The following FBXL7 variants were observed in gnomAD, a reference collection of about 807,000 sequenced individuals.
The protein encoded by FBXL7 is F-box/LRR-repeat protein 7.
A neutral mutation model predicts 38.3 loss-of-function variants in FBXL7; 12 were observed. The ratio of observed to expected loss-of-function variants is 0.31; its 90% CI spans 0.20 to 0.51. The LOEUF (loss-of-function observed/expected upper bound fraction) is 0.51. FBXL7 is among the 20% of genes least tolerant of loss of function. FBXL7 has a pLI of 0.98. For synonymous variants in FBXL7, 297 were observed against 300.9 expected (o/e 0.99, Z 0.13); for missense variants, 567 against 676.4 (o/e 0.84, Z 1.79).
At chr5:15,572,375 T>C (rs1738816553) in intron 1 of FBXL7, among the ~76,000 whole-genome samples, 1 of 142,092 alleles carries the variant, frequency 7.0e-6, no homozygotes, top group Non-Finnish European at 1.5e-5. Flanking sequence ...GAAACATCCA[T>C]CTGGTTTCTG....
At chr5:15,546,927 C>G (rs534795154) in intron 1 of FBXL7, among the ~76,000 whole-genome samples, 1 of 152,170 alleles carries the variant, frequency 6.6e-6, no homozygotes, top group Non-Finnish European at 1.5e-5. Flanking sequence ...AATCACAAAA[C>G]AAATTGAAAG....
intron 2 of FBXL7, among the ~76,000 whole-genome samples, chr5:15,834,175 C>T (rs1738528150): frequency 1.3e-5 from 2 of 152,168 alleles, no homozygotes; most frequent in Non-Finnish European, 2.9e-5. Flanking sequence ...CATGTCATTT[C>T]AATATCATAT....
Position 15,923,534 on chromosome 5 carries a change from A to T in FBXL7, c.128-4356A>T, listed in dbSNP as rs545842554. 2.9e-3 allele frequency among the ~76,000 whole-genome samples: 443 copies of T among 152,282 alleles called. 1 individual carries two copies. The highest frequency in any genetic ancestry group is 0.01 in the African/African-American group (424 of 41,550). ...TAAATACATATATATGTATATTTTT[A>T]AATTTGGAAATACATTTAATGTATT... On this transcript the variant is annotated intron_variant, in intron 2 of 3. Coordinates refer to ENST00000504595, the MANE Select transcript of FBXL7 (RefSeq NM_012304.5).
chr5:15,858,143 A>G (rs894983988), intron 2 of FBXL7, among the ~76,000 whole-genome samples: 2 of 151,652 alleles, frequency 1.3e-5, no homozygotes, highest in African/African-American at 4.8e-5. Context: ...ATTATTGCAA[A>G]TTTTATCCTT....
At chr5:15,580,978 A>C (rs1413544605) in intron 1 of FBXL7, among the ~76,000 whole-genome samples, 1 of 152,132 alleles carries the variant, frequency 6.6e-6, no homozygotes, top group Non-Finnish European at 1.5e-5. Flanking sequence ...TTACGCCAAC[A>C]CCAGTCATGG....
At chr5:15,501,984 T>G (rs904701646) in intron 1 of FBXL7, among the ~76,000 whole-genome samples, 1 of 151,718 alleles carries the variant, frequency 6.6e-6, no homozygotes, top group Non-Finnish European at 1.5e-5. Flanking sequence ...CCTTTTTAGA[T>G]AGCAAATGTG....
At chr5:15,884,083 C>CA (rs760795210) in intron 2 of FBXL7, among the ~76,000 whole-genome samples, 9 of 152,122 alleles carry the variant, frequency 5.9e-5, no homozygotes, top group Non-Finnish European at 1.3e-4. Flanking sequence ...AGTCCAAGAT[C>CA]AAAGTACCAG....
intron 2 of FBXL7, among the ~76,000 whole-genome samples, chr5:15,924,503 A>G (rs1197971815): frequency 6.6e-6 from 1 of 152,096 alleles, no homozygotes. Context: ...GTTTAAAAAC[A>G]TTGTTTATGC....
intron 2 of FBXL7, among the ~76,000 whole-genome samples, chr5:15,628,973 G>T (rs781379857): frequency 8.6e-5 from 13 of 151,948 alleles, no homozygotes; most frequent in Non-Finnish European, 1.6e-4. Flanking sequence ...AGAGCATCTG[G>T]GTTCTTTTAG....
chr5:15,880,817 A>G (rs369837365), intron 2 of FBXL7, among the ~76,000 whole-genome samples: 3 of 150,206 alleles, frequency 2.0e-5, no homozygotes, highest in East Asian at 1.9e-4. Flanking sequence ...ATAGCAAAAA[A>G]CTAATATATT....
chr5:15,853,229 T>C (rs543738190), intron 2 of FBXL7, among the ~76,000 whole-genome samples: 36 of 152,216 alleles, frequency 2.4e-4, no homozygotes, highest in African/African-American at 8.7e-4. Context: ...CTGAGTGCCA[T>C]AGAGCATGGA....
rs71603796 is a variant in FBXL7, at chr5:15,707,174, G to GTTTTTTTTTTTT, written c.127+91114_127+91125dup. Among the ~76,000 whole-genome samples, 15 of 70,404 alleles carry GTTTTTTTTTTTT rather than the reference G, an allele frequency of 2.1e-4. 1 individual carries two copies. Among genetic ancestry groups the GTTTTTTTTTTTT allele is most frequent in the East Asian group, 4.9e-4 (1 of 2,058 alleles). The allele number at this position is 70,404 out of a possible 152,430, so 46.2% of individuals were successfully genotyped here. On this transcript the variant is annotated intron_variant, in intron 2 of 3. Coordinates refer to ENST00000504595, the MANE Select transcript of FBXL7 (RefSeq NM_012304.5). Reference sequence around the variant, plus strand: ...AGGTAGTGTTTCTTTTTTTCTTTTCGTTTTTTTTTTTTTTTTTTTTTTTGC... The same window carrying GTTTTTTTTTTTT: ...AGGTAGTGTTTCTTTTTTTCTTTTCGTTTTTTTTTTTTTTTTTTTTTTTTTTTTTTTTTTTGC...
intron 2 of FBXL7, among the ~76,000 whole-genome samples, chr5:15,734,258 C>CT (rs1477803697): frequency 2.0e-5 from 3 of 152,250 alleles, no homozygotes; most frequent in Non-Finnish European, 4.4e-5. Flanking sequence ...AGCCATGCTG[C>CT]CTCACCGTGG....
At chr5:15,596,303 T>C (rs936164697) in intron 1 of FBXL7, among the ~76,000 whole-genome samples, 1 of 152,210 alleles carries the variant, frequency 6.6e-6, no homozygotes, top group African/African-American at 2.4e-5. Flanking sequence ...GTGTGGTATG[T>C]ATAGAGTCTT....
intron 2 of FBXL7, among the ~76,000 whole-genome samples, chr5:15,774,426 A>G (rs562460661): frequency 6.6e-6 from 1 of 152,288 alleles, no homozygotes; most frequent in South Asian, 2.1e-4. Flanking sequence ...GGGGGCTACC[A>G]TATATATTGA....
intron 2 of FBXL7, among the ~76,000 whole-genome samples, chr5:15,622,419 A>G (rs994358713): frequency 2.0e-5 from 3 of 152,016 alleles, no homozygotes; most frequent in African/African-American, 7.2e-5. Context: ...TATATCTCCT[A>G]ATGCTATCCC....
chr5:15,657,842 T>TAAA (rs70938025), intron 2 of FBXL7, among the ~76,000 whole-genome samples: 138 of 146,892 alleles, frequency 9.4e-4, no homozygotes, highest in East Asian at 4.8e-3. Flanking sequence ...TTGTCTAAAT[T>TAAA]AAAAAAAAAA....
intron 2 of FBXL7, among the ~76,000 whole-genome samples, chr5:15,842,569 G>A (rs1300424801): frequency 1.3e-5 from 2 of 152,146 alleles, no homozygotes; most frequent in South Asian, 2.1e-4. Flanking sequence ...GTCCCAGGGT[G>A]TAATGATATG....
chr5:15,781,894 A>G (rs918660502), intron 2 of FBXL7, among the ~76,000 whole-genome samples: 2 of 152,144 alleles, frequency 1.3e-5, no homozygotes, highest in Admixed American at 1.3e-4. Flanking sequence ...GGTTTTTTAC[A>G]TAGATATACA....
Sources: gnomAD v4.1 joint callset for allele counts (sites outside exome capture counted in the v4.1 genomes callset) on GRCh38, gnomAD v4.1.1 for gene constraint, MANE v1.5 for transcripts, NCBI Gene and HGNC (gene_info 2026-07-23, HGNC 2026-07-21) for gene names.